NRG4: variants seen among roughly 807,000 people sequenced by gnomAD.
NRG4 encodes the protein neuregulin 4, also known as pro-neuregulin-4, membrane-bound isoform.
A neutral mutation model predicts 15.0 loss-of-function variants in NRG4; 10 were observed. The ratio of observed to expected loss-of-function variants is 0.67; its 90% CI spans 0.41 to 1.13. NRG4 has a LOEUF of 1.13. Among genes scored for constraint, NRG4 ranks in the 50% most tolerant of loss-of-function variants. The pLI, the probability that NRG4 is intolerant of heterozygous loss-of-function variation, is 0.00. For missense variants in NRG4, 139 were observed against 140.2 expected (o/e 0.99, Z 0.04); for synonymous variants, 41 against 50.1 (o/e 0.82, Z 0.77).
intron 5 of NRG4, among the ~76,000 whole-genome samples, chr15:75,949,885 T>C (rs1445186943): frequency 1.3e-5 from 2 of 152,246 alleles, no homozygotes; most frequent in Non-Finnish European, 1.5e-5. Context: ...TCAATTGTGG[T>C]CTATCTGGAT....
At chr15:75,983,250 A>C (rs967712696) in intron 3 of NRG4, among the ~76,000 whole-genome samples, 4 of 152,248 alleles carry the variant, frequency 2.6e-5, no homozygotes, top group African/African-American at 7.2e-5. Context: ...AAGTCTTAGC[A>C]GAGAAATGGT....
At chr15:75,998,950 G>A (rs2034307351) in intron 3 of NRG4, among the ~76,000 whole-genome samples, 1 of 152,056 alleles carries the variant, frequency 6.6e-6, no homozygotes, top group Admixed American at 6.6e-5. Flanking sequence ...GGACAGCCAG[G>A]GTGCAAGGGA....
intron 5 of NRG4, among the ~76,000 whole-genome samples, chr15:76,023,487 G>A (rs2035221983): frequency 6.6e-6 from 1 of 152,136 alleles, no homozygotes; most frequent in Non-Finnish European, 1.5e-5. Context: ...GAATCCCACA[G>A]TCATCCCCAG....
chr15:76,001,788 C>T lies in NRG4; in HGVS notation c.104+7412G>A, dbSNP rs115589202. On this transcript the variant is annotated intron_variant, in intron 3 of 5. Transcript: ENST00000394907. ...TAGAAATGAGAGAAATATACATCAA[C>T]GTATTTTTTGGTTTTGATCTTTGAA... Among the ~76,000 whole-genome samples the T allele has an allele frequency of 3.6e-3, 545 of 152,226 alleles. 4 individuals carry two copies. Among genetic ancestry groups the T allele is most frequent in the African/African-American group, 0.012 (501 of 41,528 alleles).
chr15:76,043,746 C>G (rs1377181547), intron 4 of NRG4, among the ~76,000 whole-genome samples: 1 of 152,170 alleles, frequency 6.6e-6, no homozygotes, highest in Non-Finnish European at 1.5e-5. Context: ...CAATCTCTAT[C>G]AAAATACCAA....
intron 1 of NRG4, among the ~76,000 whole-genome samples, chr15:76,058,413 T>C (rs187178478): frequency 5.9e-5 from 9 of 152,248 alleles, no homozygotes; most frequent in African/African-American, 1.9e-4. Context: ...CTGAAGAAAT[T>C]TTACATTTTT....
chr15:76,013,107 T>C (rs7177048), upstream of NRG4, among the ~76,000 whole-genome samples: 5,623 of 152,346 alleles, frequency 0.037, 182 homozygotes, highest in African/African-American at 0.085. Flanking sequence ...TTATCTTTTC[T>C]AAAACGACAA....
chr15:76,043,494 T>C (rs1340624329), intron 4 of NRG4, among the ~76,000 whole-genome samples: 1 of 152,188 alleles, frequency 6.6e-6, no homozygotes, highest in Non-Finnish European at 1.5e-5. Flanking sequence ...AGCATTTCTA[T>C]ATGCCAAAAG....
intron 3 of NRG4, among the ~76,000 whole-genome samples, chr15:75,983,809 T>A (rs11634028): frequency 0.14 from 20,939 of 151,888 alleles, 1,931 homozygotes; most frequent in Middle Eastern, 0.23. Flanking sequence ...ATGAGGGAAA[T>A]TCTAAAACAT....
chr15:76,050,459 T>G (rs928690586), intron 4 of NRG4, among the ~76,000 whole-genome samples: 42 of 140,416 alleles, frequency 3.0e-4, no homozygotes, highest in Non-Finnish European at 6.2e-4. Flanking sequence ...TTTTTTTTTT[T>G]GAAACGGAGT....
rs2141747367 is a variant in NRG4, at chr15:75,941,018, A to G, written c.*2620T>C. The G allele has an allele frequency of 6.6e-6, 1 of 152,278 alleles. No homozygotes were observed. The highest frequency in any genetic ancestry group is 1.9e-4 in the East Asian group (1 of 5,184). 9.4% of individuals were successfully genotyped at this position (152,278 alleles called of 1,614,324 possible). A position where few individuals can be genotyped will look rare whatever the true frequency, so the allele number is the denominator to read the frequency against. ...AAAAGATTACCTATGGAGTGGGAGG[A>G]AATAATATGCAGTTCACGTACCTAA... On this transcript the variant is annotated 3_prime_UTR_variant, in exon 6 of 6. Coordinates refer to ENST00000394907, the MANE Select transcript of NRG4 (RefSeq NM_138573.4).
intron 3 of NRG4, among the ~76,000 whole-genome samples, chr15:76,007,506 T>C (rs1455887116): frequency 6.6e-6 from 1 of 150,814 alleles, no homozygotes; most frequent in Non-Finnish European, 1.5e-5. Context: ...CTTGGCTCAC[T>C]GCAAGCTCCA....
chr15:75,951,786 C>G (rs1474355002), intron 5 of NRG4, among the ~76,000 whole-genome samples: 2 of 152,084 alleles, frequency 1.3e-5, no homozygotes, highest in Admixed American at 1.3e-4. Flanking sequence ...TGTTGTAAGT[C>G]CCATATTATG....
intron 4 of NRG4, among the ~76,000 whole-genome samples, chr15:76,046,822 C>T (rs1000077660): frequency 4.0e-5 from 6 of 150,834 alleles, no homozygotes; most frequent in Non-Finnish European, 7.4e-5. Flanking sequence ...TTACATCAAG[C>T]TAAAAAGCTT....
chr15:76,001,553 G>A (rs1444719175), intron 3 of NRG4, among the ~76,000 whole-genome samples: 1 of 152,060 alleles, frequency 6.6e-6, no homozygotes, highest in Non-Finnish European at 1.5e-5. Context: ...GCTACCATAT[G>A]GGACCACACA....
intron 3 of NRG4, among the ~76,000 whole-genome samples, chr15:75,980,047 CT>C (rs1436265545): frequency 6.6e-6 from 1 of 152,100 alleles, no homozygotes; most frequent in Admixed American, 6.6e-5. Context: ...TATTACCTAA[CT>C]TTTATTGACT....
At chr15:76,043,654 AATG>A (rs2035798563) in intron 4 of NRG4, among the ~76,000 whole-genome samples, 2 of 152,254 alleles carry the variant, frequency 1.3e-5, no homozygotes, top group Non-Finnish European at 2.9e-5. Flanking sequence ...CAAAAAATGG[AATG>A]ATATTTCATG....
intron 5 of NRG4, chr15:75,945,629 A>G (rs1292338442): frequency 6.6e-6 from 1 of 152,236 alleles, no homozygotes; most frequent in East Asian, 1.9e-4. Context: ...GTATGGGAAC[A>G]GATTATCCCT....
chr15:76,036,384 A>C (rs965932195), intron 4 of NRG4, among the ~76,000 whole-genome samples: 1 of 152,364 alleles, frequency 6.6e-6, no homozygotes, highest in African/African-American at 2.4e-5. Flanking sequence ...AAATATACTC[A>C]AGTCACCAAC....
Sources: gnomAD v4.1 joint callset for allele counts (sites outside exome capture counted in the v4.1 genomes callset) on GRCh38, gnomAD v4.1.1 for gene constraint, MANE v1.5 for transcripts, NCBI Gene and HGNC (gene_info 2026-07-23, HGNC 2026-07-21) for gene names.